Variants in C2CD5 observed in about 807,000 individuals in gnomAD.
C2CD5 encodes the protein C2 calcium dependent domain containing 5, also known as C2 domain-containing protein 5.
A neutral mutation model predicts 130.3 loss-of-function variants in C2CD5; 109 were observed. That is an observed-to-expected ratio of 0.84 (90% CI 0.72 to 0.98). The LOEUF (loss-of-function observed/expected upper bound fraction) is 0.98. C2CD5 is among the 50% of genes least tolerant of loss of function. The probability of loss-of-function intolerance (pLI) is 0.00; values close to 1 mark genes in which losing one functional copy is unlikely to be tolerated. For synonymous variants in C2CD5, 454 were observed against 429.2 expected, an observed-to-expected ratio of 1.06 and a Z score of -0.71; for missense variants, 996 against 1,261.8, an observed-to-expected ratio of 0.79 and a Z score of 3.19.
chr12:22,539,992 CAAAAAAAAA>C (rs59902224), intron 2 of C2CD5, among the ~76,000 whole-genome samples: 3 of 90,786 alleles, frequency 3.3e-5, no homozygotes, highest in African/African-American at 7.8e-5. Context: ...AGCTCCGTCT[CAAAAAAAAA>C]AAAAAAAAAG....
At position 22,470,794 on chromosome 12, in the gene C2CD5, A is replaced by G. The variant is rs115881322; in HGVS notation, c.2446+30T>C. 8.9e-4 allele frequency: 1,220 copies of G among 1,363,784 alleles called. 13 individuals carry two copies. The African/African-American group carries it at 0.016, about 18-fold the overall frequency. The allele number at this position is 1,363,784 out of a possible 1,614,324, so 84.5% of individuals were successfully genotyped here. A position where few individuals can be genotyped will look rare whatever the true frequency, so the allele number is the denominator to read the frequency against. On this transcript the variant is annotated intron_variant, in intron 21 of 26. Transcript: ENST00000446597. ...CTGAACCATAACACAGACAAACACA[A>G]ACTGAACTTCCTATTCAGTAAAGAT...
chr12:22,480,251 C>T (rs1944514415), intron 14 of C2CD5, among the ~76,000 whole-genome samples: 1 of 152,210 alleles, frequency 6.6e-6, no homozygotes, highest in Non-Finnish European at 1.5e-5. Context: ...CCATTTCTAA[C>T]ACATGTAACC....
intron 9 of C2CD5, chr12:22,512,705 A>T: frequency 1.4e-6 from 2 of 1,473,470 alleles, no homozygotes; most frequent in Non-Finnish European, 1.8e-6. Flanking sequence ...TATTTAAAAA[A>T]AAAAAAGAGA....
chr12:22,493,191 G>A (rs781415448), intron 11 of C2CD5, 32 bp downstream of exon 11: 3 of 1,231,436 alleles, frequency 2.4e-6, no homozygotes, highest in Non-Finnish European at 3.5e-6. Context: ...CTAAATTAGT[G>A]TCTGGAAAAT....
intron 8 of C2CD5, among the ~76,000 whole-genome samples, chr12:22,514,800 G>T (rs1949550449): frequency 6.6e-6 from 1 of 151,910 alleles, no homozygotes. Context: ...TTCATGATTA[G>T]CCATCAAGTA....
At chr12:22,514,305 G>A (rs571852603) in intron 8 of C2CD5, among the ~76,000 whole-genome samples, 6 of 151,966 alleles carry the variant, frequency 3.9e-5, no homozygotes, top group Non-Finnish European at 8.8e-5. Flanking sequence ...TCTTGGATAA[G>A]GAAACAAAGG....
Position 22,471,847 on chromosome 12 carries a change from G to A in C2CD5, c.2268+120C>T. Reference sequence around the variant, plus strand: ...TCACCCGCTGATAGAGGTAAGGTAAGTAGGTAAGAATGATTCAGCCCACAA... The same window carrying A: ...TCACCCGCTGATAGAGGTAAGGTAAATAGGTAAGAATGATTCAGCCCACAA... On this transcript the variant is annotated intron_variant, in intron 19 of 26. Transcript: ENST00000446597. 4.6e-6 allele frequency: 3 copies of A among 647,542 alleles called. No homozygotes were observed. In the East Asian group the frequency reaches 8.6e-5, roughly 18 times the overall value. 40.1% of individuals were successfully genotyped at this position (647,542 alleles called of 1,614,324 possible). A position where few individuals can be genotyped will look rare whatever the true frequency, so the allele number is the denominator to read the frequency against.
chr12:22,489,807 A>T (rs1394864777), intron 12 of C2CD5, among the ~76,000 whole-genome samples: 1 of 152,190 alleles, frequency 6.6e-6, no homozygotes, highest in Non-Finnish European at 1.5e-5. Context: ...GGGAAATGAA[A>T]GGAAGAGAAA....
chr12:22,496,791 TA>T (rs1449585337), intron 10 of C2CD5, among the ~76,000 whole-genome samples: 1 of 151,898 alleles, frequency 6.6e-6, no homozygotes, highest in Non-Finnish European at 1.5e-5. Flanking sequence ...TCTTTTAATA[TA>T]TCCTTTTAAT....
rs751374990 is a variant in C2CD5, at chr12:22,506,757, T to G, written c.1101A>C (p.Val367=). The change falls in exon 10 of 27, where the codon GTA becomes GTC. Residue 367 remains valine, a synonymous_variant. Coordinates refer to ENST00000446597, the MANE Select transcript of C2CD5 (RefSeq NM_001286176.2). ...PPGFLVHVGG[V]VSARSVKLLD... is the part of the protein sequence containing the mutation. Reference sequence around the variant, plus strand: ...AAAGCTTCACAGAACGTGCACTAACTACACCCCCAACGTGTACAAGGAATC... The same window carrying G: ...AAAGCTTCACAGAACGTGCACTAACGACACCCCCAACGTGTACAAGGAATC... 3.7e-6 allele frequency: 6 copies of G among 1,612,556 alleles called. No homozygotes were observed. The highest frequency in any genetic ancestry group is 1.7e-4 in the Middle Eastern group (1 of 6,058).
intron 3 of C2CD5, among the ~76,000 whole-genome samples, chr12:22,531,611 C>A (rs1196892804): frequency 6.6e-6 from 1 of 152,100 alleles, no homozygotes; most frequent in African/African-American, 2.4e-5. Context: ...TTTACAGAAA[C>A]TAGAAATTAC....
Position 22,478,303 on chromosome 12 carries a change from T to C in C2CD5, c.1902+10A>G, listed in dbSNP as rs1041857569. 1.9e-6 allele frequency: 3 copies of C among 1,601,366 alleles called. No homozygotes were observed. In the African/African-American group the frequency reaches 4.0e-5, roughly 21 times the overall value. ...CTGATACATTCACAATGTAGGTTTG[T>C]TTTACTTACTGGAGGATTGATTTCA... On this transcript the variant is annotated intron_variant, in intron 15 of 26. Transcript: ENST00000446597.
rs183020248 is a variant in C2CD5 at position 22,481,694 on chromosome 12, G to A, written c.1737+863C>T. Among the ~76,000 whole-genome samples, 273 of 122,100 alleles carry A rather than the reference G, an allele frequency of 2.2e-3. 5 individuals are homozygous for A. The highest frequency in any genetic ancestry group is 8.1e-3 in the African/African-American group (254 of 31,206). 80.1% of individuals were successfully genotyped at this position (122,100 alleles called of 152,430 possible). Reference sequence around the variant, plus strand: ...TTTTGAGACAGAGCCTCACTCTGTCGCCTCGGTTGGAGTGCAGTGATGTGA... The same window carrying A: ...TTTTGAGACAGAGCCTCACTCTGTCACCTCGGTTGGAGTGCAGTGATGTGA... On this transcript the variant is annotated intron_variant, in intron 14 of 26. Transcript: ENST00000446597.
chr12:22,453,246 A>C (rs1298030504), intron 26 of C2CD5, among the ~76,000 whole-genome samples: 2 of 152,126 alleles, frequency 1.3e-5, no homozygotes, highest in Non-Finnish European at 2.9e-5. Flanking sequence ...AGCCACATAC[A>C]GCTTCATGCA....
At chr12:22,495,400 A>G (rs528416018) in intron 10 of C2CD5, among the ~76,000 whole-genome samples, 8 of 152,246 alleles carry the variant, frequency 5.3e-5, no homozygotes, top group African/African-American at 1.9e-4. Flanking sequence ...TTAAAACGCC[A>G]ACATGTCTAA....
chr12:22,454,120 A>G, intron 25 of C2CD5, 78 bp from the exon 26 acceptor site: 6 of 1,161,206 alleles, frequency 5.2e-6, no homozygotes, highest in Non-Finnish European at 7.4e-6. Context: ...ATGTCAAAGA[A>G]TATATATTAA....
chr12:22,494,421 T>C (rs1946756318), intron 10 of C2CD5, among the ~76,000 whole-genome samples: 1 of 152,082 alleles, frequency 6.6e-6, no homozygotes, highest in African/African-American at 2.4e-5. Context: ...TCAAAATTAG[T>C]AGAATAAGTA....
At chr12:22,516,822 C>CT (rs1189775216) in intron 8 of C2CD5, among the ~76,000 whole-genome samples, 1 of 151,386 alleles carries the variant, frequency 6.6e-6, no homozygotes, top group Admixed American at 6.6e-5. Flanking sequence ...AAAAAAAAAT[C>CT]TTTTTTCACT....
chr12:22,495,743 A>C (rs898089341), intron 10 of C2CD5, among the ~76,000 whole-genome samples: 1 of 152,132 alleles, frequency 6.6e-6, no homozygotes, highest in Admixed American at 6.6e-5. Flanking sequence ...ATGGGAGCTA[A>C]GGAAGCAAAT....
Sources: allele counts gnomAD v4.1 joint callset (sites outside exome capture counted in the v4.1 genomes callset), GRCh38; gene constraint gnomAD v4.1.1; transcripts MANE v1.5; gene names NCBI Gene and HGNC (gene_info 2026-07-23, HGNC 2026-07-21).